Variants in ARHGEF3 observed in about 807,000 individuals in gnomAD.
ARHGEF3 encodes the protein 59.8 kDA protein.
ARHGEF3 carries 28 observed loss-of-function variants against 63.2 expected under a neutral mutation model. The ratio of observed to expected loss-of-function variants is 0.44; its 90% confidence interval spans 0.33 to 0.61. ARHGEF3 has a LOEUF of 0.61. Ranked by LOEUF, ARHGEF3 falls within the 20% of genes least tolerant of loss-of-function variation. The pLI, the probability that ARHGEF3 is intolerant of heterozygous loss-of-function variation, is 0.03. For missense variants in ARHGEF3, 533 were observed against 659.3 expected (o/e 0.81, Z 2.10); for synonymous variants, 266 against 254.2 (o/e 1.05, Z -0.44).
At chr3:57,075,902 CA>C (rs1706198309) in intron 1 of ARHGEF3, among the ~76,000 whole-genome samples, 2 of 152,152 alleles carry the variant, frequency 1.3e-5, no homozygotes, top group South Asian at 4.1e-4. Flanking sequence ...AGCTTGTCAC[CA>C]AACCTCTCCA....
At chr3:56,975,781 C>G in intron 2 of ARHGEF3, 1 of 426,154 alleles carries the variant, frequency 2.3e-6, no homozygotes, top group South Asian at 1.7e-5. Context: ...GGCGCAGAGC[C>G]AATACTGAGT....
intron 2 of ARHGEF3, among the ~76,000 whole-genome samples, chr3:56,981,359 A>G (rs1311092088): frequency 6.6e-6 from 1 of 152,178 alleles, no homozygotes; most frequent in African/African-American, 2.4e-5. Context: ...ATGACAGTGA[A>G]GCTCACTTTC....
intron 3 of ARHGEF3, among the ~76,000 whole-genome samples, chr3:56,917,435 C>T (rs2042016811): frequency 6.6e-6 from 1 of 152,172 alleles, no homozygotes; most frequent in African/African-American, 2.4e-5. Context: ...TTTTAAGAGC[C>T]TTCCTCTGTC....
chr3:57,016,898 G>A (rs181779068), intron 2 of ARHGEF3, among the ~76,000 whole-genome samples: 3 of 152,208 alleles, frequency 2.0e-5, no homozygotes, highest in African/African-American at 4.8e-5. Flanking sequence ...CAGCTGGTGG[G>A]AACCAAGAAG....
intron 1 of ARHGEF3, among the ~76,000 whole-genome samples, chr3:56,781,881 G>C (rs1161524822): frequency 6.6e-6 from 1 of 152,188 alleles, no homozygotes; most frequent in African/African-American, 2.4e-5. Context: ...GAGCCACAAA[G>C]AGTCAAGAGA....
At chr3:56,791,399 T>C (rs1459021782) in intron 1 of ARHGEF3, among the ~76,000 whole-genome samples, 1 of 152,230 alleles carries the variant, frequency 6.6e-6, no homozygotes, top group African/African-American at 2.4e-5. Flanking sequence ...GCCATGATTG[T>C]GCCACTGCAC....
At chr3:56,932,755 C>T (rs1046916835) in intron 3 of ARHGEF3, among the ~76,000 whole-genome samples, 5 of 152,134 alleles carry the variant, frequency 3.3e-5, no homozygotes, top group African/African-American at 1.2e-4. Flanking sequence ...TACCACTGAA[C>T]ACCTGTGACA....
chr3:57,059,031 T>A (rs971762108), intron 1 of ARHGEF3, among the ~76,000 whole-genome samples: 12 of 148,008 alleles, frequency 8.1e-5, no homozygotes, highest in African/African-American at 3.0e-4. Context: ...TTAGGAGATA[T>A]ACCTAATGTA....
intron 4 of ARHGEF3, among the ~76,000 whole-genome samples, chr3:56,878,249 G>A (rs948551255): frequency 6.6e-6 from 1 of 152,180 alleles, no homozygotes; most frequent in African/African-American, 2.4e-5. Flanking sequence ...TGCTGTGGGG[G>A]AGGCAAGCTC....
At chr3:56,801,199 T>C (rs1275534369) in intron 1 of ARHGEF3, among the ~76,000 whole-genome samples, 2 of 152,262 alleles carry the variant, frequency 1.3e-5, no homozygotes. Flanking sequence ...CGCTGTGTCC[T>C]GTTTTTGCTG....
intron 2 of ARHGEF3, among the ~76,000 whole-genome samples, chr3:57,009,298 A>G (rs1411920576): frequency 1.3e-5 from 2 of 152,204 alleles, no homozygotes; most frequent in African/African-American, 4.8e-5. Context: ...TTAAGTGGAG[A>G]TCCACCAACT....
intron 3 of ARHGEF3, among the ~76,000 whole-genome samples, chr3:56,892,290 GAGA>G (rs1309292000): frequency 2.6e-5 from 4 of 152,128 alleles, no homozygotes; most frequent in Non-Finnish European, 4.4e-5. Flanking sequence ...TCTAAGGTGG[GAGA>G]AGGAGTCCAT....
At chr3:56,928,451 A>G (rs894928980) in intron 3 of ARHGEF3, among the ~76,000 whole-genome samples, 1 of 152,138 alleles carries the variant, frequency 6.6e-6, no homozygotes, top group African/African-American at 2.4e-5. Context: ...AATGTCCCTT[A>G]GGTGCTCCTC....
In ARHGEF3 at chr3:56,773,445, G is replaced by A. The variant is rs543495886; in HGVS notation, c.204+264C>T. Among the ~76,000 whole-genome samples, 15 of 152,294 alleles carry A rather than the reference G, an allele frequency of 9.8e-5. No homozygotes were observed. The South Asian group carries it at 3.1e-3, about 32-fold the overall frequency. ...AGATATTTTAGGAAAAAAATCGCGTGAGAGTATGTCTGGATGGGGCACATA... is the reference window on the plus strand; with the variant it reads ...AGATATTTTAGGAAAAAAATCGCGTAAGAGTATGTCTGGATGGGGCACATA... On this transcript the variant is annotated intron_variant, in intron 2 of 9. Coordinates refer to ENST00000296315, the MANE Select transcript of ARHGEF3 (RefSeq NM_019555.3).
chr3:56,772,904 C>A (rs867422521), intron 2 of ARHGEF3, among the ~76,000 whole-genome samples: 26 of 152,086 alleles, frequency 1.7e-4, no homozygotes, highest in African/African-American at 6.3e-4. Context: ...ATGGAAAAAA[C>A]ATTTTTTTAA....
upstream of ARHGEF3, among the ~76,000 whole-genome samples, chr3:56,806,830 C>A (rs184525957): frequency 7.0e-6 from 1 of 143,206 alleles, no homozygotes; most frequent in Non-Finnish European, 1.6e-5. Context: ...GCCTTCTCAG[C>A]CAACAGGACA....
intron 2 of ARHGEF3, among the ~76,000 whole-genome samples, chr3:56,987,276 A>G (rs1701579677): frequency 6.6e-6 from 1 of 152,228 alleles, no homozygotes; most frequent in Non-Finnish European, 1.5e-5. Flanking sequence ...CTTTCTGGAC[A>G]GATTCTGTTA....
At chr3:56,769,054 A>C (rs2035867319) in intron 2 of ARHGEF3, among the ~76,000 whole-genome samples, 1 of 152,246 alleles carries the variant, frequency 6.6e-6, no homozygotes, top group Non-Finnish European at 1.5e-5. Context: ...GAGTTGGAAG[A>C]CTATACATGT....
chr3:56,995,998 A>G (rs1701973948), intron 2 of ARHGEF3, among the ~76,000 whole-genome samples: 1 of 152,172 alleles, frequency 6.6e-6, no homozygotes, highest in African/African-American at 2.4e-5. Context: ...GGGGGATTGG[A>G]ACACAAGGTT....
Sources: allele counts gnomAD v4.1 joint callset (sites outside exome capture counted in the v4.1 genomes callset), GRCh38; gene constraint gnomAD v4.1.1; transcripts MANE v1.5; gene names NCBI Gene and HGNC (gene_info 2026-07-23, HGNC 2026-07-21).